The following ERICH1 variants were observed in gnomAD, a reference collection of about 807,000 sequenced individuals.
ERICH1 encodes glutamate rich 1, also known as glutamate-rich protein 1.
A neutral mutation model predicts 39.6 loss-of-function variants in ERICH1; 56 were observed. The observed-to-expected ratio is 1.41, with a 90% CI of 1.14 to 1.77. ERICH1 has a LOEUF of 1.77. Ranked by LOEUF, ERICH1 falls within the 40% of genes most tolerant of loss-of-function variation. The pLI is 0.00. For missense variants in ERICH1, 826 were observed against 575.4 expected (o/e 1.44, Z -4.45); for synonymous variants, 313 against 223.6 (o/e 1.40, Z -3.57).
At chr8:697,334 G>A (rs1322935065) in intron 2 of ERICH1, among the ~76,000 whole-genome samples, 2 of 152,112 alleles carry the variant, frequency 1.3e-5, no homozygotes, top group African/African-American at 2.4e-5. Flanking sequence ...TCTGAACAGC[G>A]ATGGAGAAGC....
chr8:629,899 A>ATGAGG (rs1421937209), intron 3 of ERICH1, among the ~76,000 whole-genome samples: 13 of 135,386 alleles, frequency 9.6e-5, no homozygotes, highest in South Asian at 2.4e-4. Flanking sequence ...GAGCACCCAC[A>ATGAGG]CAGACAGAGC....
At chr8:682,513 G>A (rs939299649) in intron 3 of ERICH1, among the ~76,000 whole-genome samples, 1 of 152,186 alleles carries the variant, frequency 6.6e-6, no homozygotes, top group Non-Finnish European at 1.5e-5. Context: ...AGAGACTCCA[G>A]AATGTCCACA....
chr8:722,906 T>C (rs181535976), intron 1 of ERICH1, among the ~76,000 whole-genome samples: 125 of 152,316 alleles, frequency 8.2e-4, no homozygotes, highest in African/African-American at 2.9e-3. Context: ...ACCACAAATA[T>C]TCACGAGTGA....
At chr8:654,340 G>A (rs948944847) in intron 3 of ERICH1, among the ~76,000 whole-genome samples, 1 of 152,138 alleles carries the variant, frequency 6.6e-6, no homozygotes, top group Non-Finnish European at 1.5e-5. Context: ...TAGGATGGAT[G>A]GCCAGGAAGC....
At chr8:619,305 G>A (rs889880316) in intron 3 of ERICH1, among the ~76,000 whole-genome samples, 7 of 152,128 alleles carry the variant, frequency 4.6e-5, no homozygotes, top group African/African-American at 1.7e-4. Context: ...CACGAGGGGG[G>A]CCCGGTGAGA....
chr8:730,511 G>A (rs1289214112), intron 1 of ERICH1, among the ~76,000 whole-genome samples: 1 of 152,198 alleles, frequency 6.6e-6, no homozygotes, highest in Non-Finnish European at 1.5e-5. Context: ...GTAATGAGCT[G>A]GGGTTTGCAG....
chr8:697,652 C>T (rs372750337), intron 2 of ERICH1, among the ~76,000 whole-genome samples: 1 of 152,196 alleles, frequency 6.6e-6, no homozygotes, highest in East Asian at 1.9e-4. Context: ...CTCCCTGCCT[C>T]TGCCCACCCC....
At chr8:673,233 T>G in intron 4 of ERICH1, 56 bp downstream of exon 4, 3 of 1,514,396 alleles carry the variant, frequency 2.0e-6, no homozygotes, top group Non-Finnish European at 2.7e-6. Context: ...TTTGTTTCTT[T>G]TAATAAACTT....
chr8:616,505 A>C (rs548930933), intron 3 of ERICH1: 1 of 456,102 alleles, frequency 2.2e-6, no homozygotes, highest in South Asian at 1.5e-5. Context: ...CACTGCTCCC[A>C]GGAATTTGGA....
At position 731,174 on chromosome 8, in the gene ERICH1, C is replaced by G. The variant is rs753596065; in HGVS notation, c.-13G>C. The stretch of plus-strand genomic sequence containing the variant: ...TGTGCGCCGCCATGCGGGACCCTGC[C>G]GCGGACCTCAGACCACGGCGCGCGG... On this transcript the variant is annotated 5_prime_UTR_variant, in exon 1 of 6. Coordinates refer to ENST00000262109, the MANE Select transcript of ERICH1 (RefSeq NM_207332.3). The G allele has an allele frequency of 6.6e-7, 1 of 1,505,152 alleles. No homozygotes were observed. Among genetic ancestry groups the G allele is most frequent in the East Asian group, 2.7e-5 (1 of 36,404 alleles). The allele number at this position is 1,505,152 out of a possible 1,614,324, so 93.2% of individuals were successfully genotyped here.
chr8:623,885 G>A (rs962691759), intron 3 of ERICH1, among the ~76,000 whole-genome samples: 1 of 152,022 alleles, frequency 6.6e-6, no homozygotes. Context: ...AGTAATGGAA[G>A]AAAAAAGTAG....
At chr8:642,565 C>T (rs1008570390) in intron 3 of ERICH1, among the ~76,000 whole-genome samples, 6 of 151,816 alleles carry the variant, frequency 4.0e-5, no homozygotes, top group South Asian at 2.1e-4. Flanking sequence ...AGGATGGTCT[C>T]GATCTTCTGA....
intron 2 of ERICH1, among the ~76,000 whole-genome samples, chr8:700,217 A>G (rs1366927317): frequency 2.0e-4 from 16 of 81,850 alleles, no homozygotes; most frequent in East Asian, 4.3e-4. Context: ...AGGCGCACAC[A>G]CCCGCACACG....
At chr8:626,836 C>G (rs989459738) in intron 3 of ERICH1, 7 of 257,976 alleles carry the variant, frequency 2.7e-5, no homozygotes, top group South Asian at 2.6e-4. Flanking sequence ...AGTTTTTGGT[C>G]TCTTAATCTC....
intron 3 of ERICH1, chr8:686,572 CTTCA>C (rs1807443098): frequency 6.6e-6 from 1 of 152,228 alleles, no homozygotes; most frequent in African/African-American, 2.4e-5. Flanking sequence ...TTCTCATTGG[CTTCA>C]TTAAGTCCGG....
At chr8:710,419 C>A (rs1814452675) in intron 2 of ERICH1, among the ~76,000 whole-genome samples, 1 of 150,474 alleles carries the variant, frequency 6.6e-6, no homozygotes, top group Admixed American at 6.6e-5. Context: ...CCTCCCAGTC[C>A]TTGGCATCGT....
downstream of ERICH1, among the ~76,000 whole-genome samples, chr8:662,086 G>C (rs1284438105): frequency 6.6e-6 from 1 of 151,878 alleles, no homozygotes; most frequent in East Asian, 1.9e-4. Flanking sequence ...CAATGGCAGG[G>C]ATTCTGTGGA....
At chr8:635,042 T>C (rs1169963316) in intron 3 of ERICH1, among the ~76,000 whole-genome samples, 2 of 151,276 alleles carry the variant, frequency 1.3e-5, no homozygotes. Flanking sequence ...CACCTGGGGG[T>C]GTCCCAGGCT....
chr8:721,443 G>A lies in ERICH1; in HGVS notation c.23-5436C>T, dbSNP rs548512366. 3.9e-4 allele frequency among the ~76,000 whole-genome samples: 60 copies of A among 152,320 alleles called. 2 individuals carry two copies. The South Asian group carries it at 0.012, about 30-fold the overall frequency. Reference sequence around the variant, plus strand: ...GGGCTGGGAGAGACCTCACGGACACGGCGCCACTTGGGTTTAGCATCTGAG... The same window carrying A: ...GGGCTGGGAGAGACCTCACGGACACAGCGCCACTTGGGTTTAGCATCTGAG... On this transcript the variant is annotated intron_variant, in intron 1 of 5. Coordinates refer to ENST00000262109, the MANE Select transcript of ERICH1 (RefSeq NM_207332.3).
Sources: allele counts gnomAD v4.1 joint callset (sites outside exome capture counted in the v4.1 genomes callset), GRCh38; gene constraint gnomAD v4.1.1; transcripts MANE v1.5; gene names NCBI Gene and HGNC (gene_info 2026-07-23, HGNC 2026-07-21).